CACNA1C: variants seen among roughly 807,000 people sequenced by gnomAD.
CACNA1C encodes the protein voltage-dependent L-type calcium channel subunit alpha-1C.
In CACNA1C, 30 loss-of-function variants were observed where a neutral mutation model predicts 229.0. The ratio of observed to expected loss-of-function variants is 0.13; its 90% CI spans 0.10 to 0.18. The LOEUF is 0.18. CACNA1C is among the 10% of genes least tolerant of loss of function. CACNA1C has a pLI of 1.00. For missense variants in CACNA1C, 1,658 were observed against 2,845.0 expected (o/e 0.58, Z 9.49); for synonymous variants, 1,114 against 1,132.5 (o/e 0.98, Z 0.33).
intron 1 of CACNA1C, among the ~76,000 whole-genome samples, chr12:2,093,612 A>T (rs947918713): frequency 6.6e-6 from 1 of 152,156 alleles, no homozygotes; most frequent in African/African-American, 2.4e-5. Flanking sequence ...TTGCCTCCTG[A>T]GCCCCTTACC....
chr12:2,589,666 C>G (rs2064278120), intron 18 of CACNA1C, among the ~76,000 whole-genome samples: 1 of 145,152 alleles, frequency 6.9e-6, no homozygotes, highest in Non-Finnish European at 1.6e-5. Context: ...AGGCCCTGAC[C>G]TGATGTCCGA....
intron 3 of CACNA1C, among the ~76,000 whole-genome samples, chr12:2,349,064 C>T (rs911811154): frequency 2.0e-5 from 3 of 152,162 alleles, no homozygotes; most frequent in Non-Finnish European, 4.4e-5. Context: ...GTTATCTTAT[C>T]CAGCCCCTTC....
intron 3 of CACNA1C, among the ~76,000 whole-genome samples, chr12:2,167,999 A>C (rs1318238228): frequency 6.6e-6 from 1 of 152,156 alleles, no homozygotes; most frequent in Non-Finnish European, 1.5e-5. Context: ...CTACTCTGAG[A>C]TATTGGAAGC....
chr12:2,106,727 C>T (rs878935604), intron 1 of CACNA1C, among the ~76,000 whole-genome samples: 16 of 114,142 alleles, frequency 1.4e-4, no homozygotes, highest in Non-Finnish European at 2.5e-4. Context: ...CTCAGCTGGG[C>T]GTCCTGAAGC....
chr12:2,315,458 C>T (rs1211798969), intron 3 of CACNA1C, among the ~76,000 whole-genome samples: 2 of 152,278 alleles, frequency 1.3e-5, no homozygotes, highest in African/African-American at 2.4e-5. Flanking sequence ...CCCTTCTAGT[C>T]GCCACCTTTC....
At chr12:2,523,664 G>T (rs1295729290) in intron 9 of CACNA1C, among the ~76,000 whole-genome samples, 1 of 152,200 alleles carries the variant, frequency 6.6e-6, no homozygotes, top group Non-Finnish European at 1.5e-5. Flanking sequence ...GAATGGATCT[G>T]CCTGTGTCCA....
chr12:2,306,227 G>T (rs1263764917), intron 3 of CACNA1C, among the ~76,000 whole-genome samples: 1 of 152,250 alleles, frequency 6.6e-6, no homozygotes, highest in Non-Finnish European at 1.5e-5. Context: ...GTTTGACTGT[G>T]CAGATGGTTG....
intron 9 of CACNA1C, among the ~76,000 whole-genome samples, chr12:2,520,672 C>T (rs202087131): frequency 0.054 from 5,501 of 102,124 alleles, 7 homozygotes; most frequent in African/African-American, 0.12. Context: ...TGGCCGTGTG[C>T]TTCAGAGGAG....
chr12:2,203,656 C>CAT (rs2097666661), intron 3 of CACNA1C, among the ~76,000 whole-genome samples: 1 of 151,100 alleles, frequency 6.6e-6, no homozygotes, highest in Non-Finnish European at 1.5e-5. Context: ...GGAAAGAGAG[C>CAT]ACCAGGGGAC....
At chr12:2,361,809 C>T (rs1039187444) in intron 3 of CACNA1C, among the ~76,000 whole-genome samples, 1 of 152,224 alleles carries the variant, frequency 6.6e-6, no homozygotes, top group Admixed American at 6.5e-5. Context: ...GAACCAAGGT[C>T]AAAGGCAAAG....
intron 34 of CACNA1C, chr12:2,660,959 A>G (rs1050907023): frequency 5.9e-5 from 9 of 152,124 alleles, no homozygotes; most frequent in African/African-American, 2.2e-4. Context: ...TTCTGAGTCT[A>G]TCAAAAATAA....
chr12:2,361,447 A>G (rs557911503), intron 3 of CACNA1C, among the ~76,000 whole-genome samples: 1 of 152,166 alleles, frequency 6.6e-6, no homozygotes, highest in African/African-American at 2.4e-5. Context: ...AGCCTCCTTT[A>G]AAAAAGTAAG....
rs2047839936 is a variant in CACNA1C, at chr12:2,029,302, T to G, written c.139+58101T>G. ...AAATTGAGGTGTGATTCATTTCACA[T>G]AAAATTAACCTGTGTACAATGTGAA... On this transcript the variant is annotated intron_variant, in intron 1 of 46. Coordinates refer to the CACNA1C transcript ENST00000682462. This position sits in a 1 kb window ranked among gnomAD's most constrained non-coding sequence, Gnocchi z 4.9. Among the ~76,000 whole-genome samples the G allele has an allele frequency of 6.6e-6, 1 of 152,306 alleles. No individual in the cohort carries two copies. The highest frequency in any genetic ancestry group is 2.1e-4 in the South Asian group (1 of 4,812).
rs1370042386 is a variant in CACNA1C at position 2,108,334 on chromosome 12, C to T, written c.50-6890C>T. On this transcript the variant is annotated intron_variant, in intron 1 of 46. Transcript: ENST00000399655. This position sits in a 1 kb window ranked among gnomAD's most constrained non-coding sequence, Gnocchi z 5.3. ...CAGGCCCCCCGAGGGAACTGCGGTT[C>T]GGGTACAATTATGAGGCTGGGGGAC... 1.3e-5 allele frequency among the ~76,000 whole-genome samples: 2 copies of T among 152,168 alleles called. No homozygotes were observed. Among genetic ancestry groups the T allele is most frequent in the East Asian group, 1.9e-4 (1 of 5,194 alleles).
intron 9 of CACNA1C, among the ~76,000 whole-genome samples, chr12:2,537,055 G>A (rs1301014757): frequency 6.6e-6 from 1 of 152,124 alleles, no homozygotes; most frequent in East Asian, 1.9e-4. Context: ...GCTTCCTTCT[G>A]CCCAGAGGAG....
intron 3 of CACNA1C, among the ~76,000 whole-genome samples, chr12:2,226,012 T>TCC (rs1045801735): frequency 7.9e-5 from 12 of 152,130 alleles, no homozygotes; most frequent in African/African-American, 2.9e-4. Context: ...ACCATTTGCT[T>TCC]CCCCAATGCT....
At chr12:2,362,272 G>A (rs921307137) in intron 3 of CACNA1C, among the ~76,000 whole-genome samples, 1 of 152,122 alleles carries the variant, frequency 6.6e-6, no homozygotes, top group Non-Finnish European at 1.5e-5. Context: ...CAGCCTGTGT[G>A]TGCCTTCATG....
rs531153229 is a variant in CACNA1C at position 2,372,943 on chromosome 12, C to T, written c.478-76033C>T. ...CAGCCCCAGGAGAGGCCAGCAAGTCCGGTGCCGAGAAGCTCCTTGACTCAC... is the reference window on the plus strand; with the variant it reads ...CAGCCCCAGGAGAGGCCAGCAAGTCTGGTGCCGAGAAGCTCCTTGACTCAC... On this transcript the variant is annotated intron_variant, in intron 3 of 46. Coordinates refer to ENST00000399655, the MANE Select transcript of CACNA1C (RefSeq NM_000719.7). Among the ~76,000 whole-genome samples, 20 of 152,336 alleles carry T rather than the reference C, an allele frequency of 1.3e-4. No homozygotes were observed. The East Asian group carries it at 3.5e-3, about 26-fold the overall frequency.
intron 1 of CACNA1C, chr12:1,993,050 A>G (rs893121250): frequency 2.9e-6 from 2 of 700,680 alleles, no homozygotes; most frequent in Non-Finnish European, 5.0e-6. Context: ...GTTTAGGTTT[A>G]TATCATCATA....
Sources: allele counts gnomAD v4.1 joint callset (sites outside exome capture counted in the v4.1 genomes callset), GRCh38; gene constraint gnomAD v4.1.1; non-coding constraint Gnocchi (gnomAD v3.1); transcripts MANE v1.5; gene names NCBI Gene and HGNC (gene_info 2026-07-23, HGNC 2026-07-21).